GUCY1A2: variants seen among roughly 807,000 people sequenced by gnomAD.
The protein encoded by GUCY1A2 is guanylate cyclase soluble subunit alpha-2.
Under a neutral mutation model 63.5 loss-of-function variants are expected in GUCY1A2, and 27 were observed. That is an observed-to-expected ratio of 0.43 (90% CI 0.31 to 0.59). GUCY1A2 has a LOEUF of 0.59. Among genes scored for constraint, GUCY1A2 ranks in the 20% least tolerant of loss-of-function variants. The probability of loss-of-function intolerance (pLI) is 0.11; values close to 1 mark genes in which losing one functional copy is unlikely to be tolerated. For synonymous variants in GUCY1A2, 364 were observed against 343.5 expected, an observed-to-expected ratio of 1.06 and a Z score of -0.66; for missense variants, 768 against 913.3, an observed-to-expected ratio of 0.84 and a Z score of 2.05.
intron 3 of GUCY1A2, among the ~76,000 whole-genome samples, chr11:106,953,277 T>C (rs1298523733): frequency 2.6e-5 from 4 of 152,228 alleles, no homozygotes; most frequent in African/African-American, 9.6e-5. Context: ...TCTGTTGAGA[T>C]AATCATGTGC....
At chr11:106,697,016 T>C (rs1485739492) in intron 7 of GUCY1A2, among the ~76,000 whole-genome samples, 1 of 152,220 alleles carries the variant, frequency 6.6e-6, no homozygotes. Context: ...CTCTAATTTA[T>C]TTCAAAGATT....
At chr11:106,778,120 T>A (rs1023249519) in intron 5 of GUCY1A2, among the ~76,000 whole-genome samples, 3 of 152,186 alleles carry the variant, frequency 2.0e-5, no homozygotes, top group Non-Finnish European at 4.4e-5. Flanking sequence ...GAGATGGTGG[T>A]ATTAATGGCA....
chr11:106,687,877 T>A (rs1862556787), intron 7 of GUCY1A2, 121 bp from the exon 8 acceptor site: 1 of 663,962 alleles, frequency 1.5e-6, no homozygotes, highest in African/African-American at 1.8e-5. Flanking sequence ...CTCTATTTCT[T>A]TGTATAGATG....
chr11:106,916,324 T>C (rs1037925554), intron 4 of GUCY1A2, among the ~76,000 whole-genome samples: 2 of 145,494 alleles, frequency 1.4e-5, no homozygotes, highest in African/African-American at 4.9e-5. Context: ...AGATTATCAG[T>C]CTATCAGTCT....
intron 5 of GUCY1A2, among the ~76,000 whole-genome samples, chr11:106,796,136 C>G (rs200187225): frequency 6.6e-6 from 1 of 152,092 alleles, no homozygotes; most frequent in Non-Finnish European, 1.5e-5. Context: ...GCAACTCCTG[C>G]CTTTTTTGTT....
At chr11:106,986,332 C>A (rs1423678965) in intron 1 of GUCY1A2, among the ~76,000 whole-genome samples, 2 of 152,066 alleles carry the variant, frequency 1.3e-5, no homozygotes, top group East Asian at 1.9e-4. Context: ...CCAGAACTTC[C>A]CAATTTCAAT....
chr11:106,838,586 T>C (rs565486880), intron 4 of GUCY1A2, among the ~76,000 whole-genome samples: 3 of 152,086 alleles, frequency 2.0e-5, no homozygotes, highest in East Asian at 1.9e-4. Context: ...TCATAAACTA[T>C]GTATCAGAAT....
chr11:106,948,320 T>G (rs1050550676), intron 3 of GUCY1A2, among the ~76,000 whole-genome samples: 2 of 152,136 alleles, frequency 1.3e-5, no homozygotes, highest in African/African-American at 4.8e-5. Flanking sequence ...TCTAGCGATT[T>G]ATAAAAGAAT....
chr11:107,000,271 T>C (rs1861595764), intron 1 of GUCY1A2, among the ~76,000 whole-genome samples: 1 of 152,230 alleles, frequency 6.6e-6, no homozygotes, highest in South Asian at 2.1e-4. Flanking sequence ...ACAAAGCATT[T>C]ACTGATCTTT....
At chr11:107,005,417 T>C (rs879673845) in intron 1 of GUCY1A2, among the ~76,000 whole-genome samples, 1 of 151,988 alleles carries the variant, frequency 6.6e-6, no homozygotes, top group Non-Finnish European at 1.5e-5. Flanking sequence ...GGACCACAGG[T>C]GCATGCCACT....
chr11:106,688,187 GTAAGC>G (rs1349062467), intron 7 of GUCY1A2, among the ~76,000 whole-genome samples: 1 of 152,088 alleles, frequency 6.6e-6, no homozygotes, highest in Non-Finnish European at 1.5e-5. Flanking sequence ...TTGGTAAACC[GTAAGC>G]TTTAAATGTG....
chr11:106,937,640 T>C (rs1322824918), intron 4 of GUCY1A2, among the ~76,000 whole-genome samples: 1 of 152,194 alleles, frequency 6.6e-6, no homozygotes, highest in Non-Finnish European at 1.5e-5. Flanking sequence ...TTAAAGCATC[T>C]ACAAATGTGA....
chr11:106,895,969 G>A (rs921985145), intron 4 of GUCY1A2, among the ~76,000 whole-genome samples: 4 of 150,182 alleles, frequency 2.7e-5, no homozygotes, highest in African/African-American at 7.3e-5. Flanking sequence ...AGCCAAGATC[G>A]TGCCACTCCA....
intron 4 of GUCY1A2, among the ~76,000 whole-genome samples, chr11:106,831,307 G>T (rs182642748): frequency 6.6e-6 from 1 of 152,098 alleles, no homozygotes; most frequent in Admixed American, 6.5e-5. Context: ...CATGAACAAC[G>T]TGTAAAAAAC....
At position 106,680,626 on chromosome 11, in the gene GUCY1A2, C is replaced by T; in HGVS notation, c.*6923G>A. 1 of 197,998 alleles carries T rather than the reference C, an allele frequency of 5.1e-6. No individual in the cohort carries two copies. The highest frequency in any genetic ancestry group is 7.9e-5 in the East Asian group (1 of 12,660). 12.3% of individuals were successfully genotyped at this position (197,998 alleles called of 1,614,324 possible). On this transcript the variant is annotated 3_prime_UTR_variant, in exon 8 of 8. Coordinates refer to ENST00000526355, the MANE Select transcript of GUCY1A2 (RefSeq NM_000855.3). Reference sequence around the variant, plus strand: ...TTTATTTAACCCAAAACCATTCTTACTAAGGATTTAAGGATCCAGTGATAT... The same window carrying T: ...TTTATTTAACCCAAAACCATTCTTATTAAGGATTTAAGGATCCAGTGATAT...
At chr11:106,766,195 A>C (rs977534902) in intron 6 of GUCY1A2, among the ~76,000 whole-genome samples, 2 of 152,142 alleles carry the variant, frequency 1.3e-5, no homozygotes, top group African/African-American at 4.8e-5. Context: ...CAGGTGATTA[A>C]AGAGTTACCT....
At chr11:106,977,144 C>G (rs1274595121) in intron 3 of GUCY1A2, among the ~76,000 whole-genome samples, 1 of 152,168 alleles carries the variant, frequency 6.6e-6, no homozygotes, top group Non-Finnish European at 1.5e-5. Context: ...AGCAACTTCT[C>G]AAAATATTAA....
At chr11:106,932,824 G>T (rs1475368278) in intron 4 of GUCY1A2, among the ~76,000 whole-genome samples, 1 of 151,764 alleles carries the variant, frequency 6.6e-6, no homozygotes. Context: ...GCTACACACA[G>T]CCATCTGATC....
chr11:107,003,941 T>C (rs547951614), intron 1 of GUCY1A2, among the ~76,000 whole-genome samples: 28 of 152,214 alleles, frequency 1.8e-4, no homozygotes, highest in African/African-American at 6.7e-4. Flanking sequence ...TCAATGGAAG[T>C]CTCAGCTGAC....
Sources: gnomAD v4.1 joint callset for allele counts (sites outside exome capture counted in the v4.1 genomes callset) on GRCh38, gnomAD v4.1.1 for gene constraint, MANE v1.5 for transcripts, NCBI Gene and HGNC (gene_info 2026-07-23, HGNC 2026-07-21) for gene names.